Variants in CCSER1 observed in about 807,000 individuals in gnomAD.
CCSER1 encodes the protein serine-rich coiled-coil domain-containing protein 1.
In CCSER1, 41 loss-of-function variants were observed where a neutral mutation model predicts 82.0. That is an observed-to-expected ratio of 0.50 (90% CI 0.39 to 0.65). CCSER1 has a LOEUF of 0.65. Ranked by LOEUF, CCSER1 falls within the 30% of genes least tolerant of loss-of-function variation. CCSER1 has a pLI of 0.00. For missense variants in CCSER1, 1,119 were observed against 1,064.2 expected (o/e 1.05, Z -0.72); for synonymous variants, 414 against 383.9 (o/e 1.08, Z -0.92).
chr4:90,297,542 T>C (rs944834589), intron 1 of CCSER1, among the ~76,000 whole-genome samples: 2 of 147,484 alleles, frequency 1.4e-5, no homozygotes, highest in Admixed American at 6.7e-5. Context: ...TGAATAGGAG[T>C]CGTGAGAGAG....
At chr4:91,348,066 A>G (rs1353314714) in intron 10 of CCSER1, among the ~76,000 whole-genome samples, 2 of 152,126 alleles carry the variant, frequency 1.3e-5, no homozygotes, top group Non-Finnish European at 2.9e-5. Context: ...TATTAGCAGG[A>G]AAAGCATATA....
chr4:91,475,422 C>T (rs1757538515), intron 10 of CCSER1, among the ~76,000 whole-genome samples: 1 of 151,728 alleles, frequency 6.6e-6, no homozygotes, highest in African/African-American at 2.4e-5. Flanking sequence ...AACTAAGGTC[C>T]TATTCATTTT....
At chr4:90,666,522 A>C (rs1731812618) in intron 6 of CCSER1, among the ~76,000 whole-genome samples, 1 of 152,220 alleles carries the variant, frequency 6.6e-6, no homozygotes, top group South Asian at 2.1e-4. Context: ...CAATACCTAA[A>C]GGTTGGCAAT....
chr4:90,483,447 G>A lies in CCSER1; in HGVS notation c.1724+15093G>A, dbSNP rs1766433189. The stretch of plus-strand genomic sequence containing the variant: ...TACCTGATTGTTTTGCTTGTTAGTT[G>A]ATGCAGTTTCTTCCTAGCCTTGATG... On this transcript the variant is annotated intron_variant, in intron 5 of 10. Coordinates refer to ENST00000509176, the MANE Select transcript of CCSER1 (RefSeq NM_001145065.2). Among the ~76,000 whole-genome samples, 8 of 152,184 alleles carry A rather than the reference G, an allele frequency of 5.3e-5. 1 individual carries two copies. Among genetic ancestry groups the A allele is most frequent in the African/African-American group, 1.9e-4 (8 of 41,438 alleles).
At chr4:90,309,701 C>A in intron 2 of CCSER1, 93 bp downstream of exon 2, 1 of 979,938 alleles carries the variant, frequency 1.0e-6, no homozygotes, top group Non-Finnish European at 1.4e-6. Flanking sequence ...ATGGAAACCA[C>A]ATTTTTCTTG....
intron 10 of CCSER1, among the ~76,000 whole-genome samples, chr4:91,170,187 G>T (rs766283520): frequency 6.6e-6 from 1 of 152,042 alleles, no homozygotes; most frequent in Non-Finnish European, 1.5e-5. Flanking sequence ...CTGATGTAAG[G>T]TTATGTAAGA....
chr4:91,384,126 G>C (rs888440933), intron 10 of CCSER1, among the ~76,000 whole-genome samples: 1 of 151,962 alleles, frequency 6.6e-6, no homozygotes, highest in African/African-American at 2.4e-5. Context: ...CCTAAATATT[G>C]CTGGTTAATT....
At chr4:90,530,779 T>A (rs1774406148) in intron 5 of CCSER1, among the ~76,000 whole-genome samples, 1 of 152,152 alleles carries the variant, frequency 6.6e-6, no homozygotes, top group Non-Finnish European at 1.5e-5. Flanking sequence ...TGCCCTGGTT[T>A]TCAGGGTCTT....
At chr4:90,195,519 T>G (rs1334745367) in intron 1 of CCSER1, among the ~76,000 whole-genome samples, 2 of 152,054 alleles carry the variant, frequency 1.3e-5, no homozygotes, top group African/African-American at 2.4e-5. Flanking sequence ...TATGATACTA[T>G]AATGGTGGAT....
chr4:91,473,089 A>G (rs1757376539), intron 10 of CCSER1, among the ~76,000 whole-genome samples: 1 of 152,154 alleles, frequency 6.6e-6, no homozygotes, highest in African/African-American at 2.4e-5. Context: ...CCAGTATTAC[A>G]TGGTATTAGG....
intron 10 of CCSER1, among the ~76,000 whole-genome samples, chr4:91,213,598 T>C (rs555575851): frequency 6.6e-6 from 1 of 152,280 alleles, no homozygotes; most frequent in South Asian, 2.1e-4. Context: ...ACAAGGCTTT[T>C]GTGGGGAGGA....
At position 91,220,932 on chromosome 4, in the gene CCSER1, A is replaced by G. The variant is rs1737691255; in HGVS notation, c.2217+134938A>G. 2.6e-5 allele frequency among the ~76,000 whole-genome samples: 4 copies of G among 152,174 alleles called. No homozygotes were observed. In the South Asian group the frequency reaches 8.3e-4, roughly 31 times the overall value. ...AAAAAACAAAATGTGAAAAAGTCAT[A>G]TGTACGGAAAATGTAGGATAAATGG... On this transcript the variant is annotated intron_variant, in intron 10 of 10. Coordinates refer to ENST00000509176, the MANE Select transcript of CCSER1 (RefSeq NM_001145065.2).
At chr4:91,003,964 A>G (rs10440322) in intron 9 of CCSER1, among the ~76,000 whole-genome samples, 8,577 of 152,232 alleles carry the variant, frequency 0.056, 274 homozygotes, top group Middle Eastern at 0.092. Context: ...GGGAAGGTCA[A>G]AATCTTCTTC....
At chr4:90,216,332 A>G (rs796129447) in intron 1 of CCSER1, among the ~76,000 whole-genome samples, 9 of 152,306 alleles carry the variant, frequency 5.9e-5, no homozygotes, top group African/African-American at 2.2e-4. Flanking sequence ...TCTGTGTACT[A>G]AGGCATAATA....
chr4:91,411,512 A>ATACATATATATATATATACATG (rs1753041126), intron 10 of CCSER1, among the ~76,000 whole-genome samples: 2 of 70,516 alleles, frequency 2.8e-5, no homozygotes, highest in African/African-American at 9.0e-5. Context: ...ATATATATAT[A>ATACATATATATATATATACATG]TATATATATA....
At chr4:90,784,420 A>C (rs1160587320) in intron 7 of CCSER1, among the ~76,000 whole-genome samples, 1 of 152,224 alleles carries the variant, frequency 6.6e-6, no homozygotes, top group Non-Finnish European at 1.5e-5. Flanking sequence ...ACTGATTTTC[A>C]ATAACAATGT....
At chr4:90,994,057 G>T (rs1737274930) in intron 9 of CCSER1, among the ~76,000 whole-genome samples, 1 of 151,746 alleles carries the variant, frequency 6.6e-6, no homozygotes, top group Non-Finnish European at 1.5e-5. Flanking sequence ...TATTTAGCTG[G>T]GTGCACTGGC....
chr4:90,777,143 G>C (rs980528969), intron 7 of CCSER1, among the ~76,000 whole-genome samples: 15 of 151,754 alleles, frequency 9.9e-5, no homozygotes, highest in Non-Finnish European at 1.9e-4. Context: ...ATCACCTGAG[G>C]GTCAAGAGTT....
intron 5 of CCSER1, among the ~76,000 whole-genome samples, chr4:90,469,719 T>C (rs1027933863): frequency 6.6e-6 from 1 of 152,112 alleles, no homozygotes; most frequent in Non-Finnish European, 1.5e-5. Flanking sequence ...ATGGGTGACT[T>C]ATGGTTATAT....
Sources: gnomAD v4.1 joint callset for allele counts (sites outside exome capture counted in the v4.1 genomes callset) on GRCh38, gnomAD v4.1.1 for gene constraint, MANE v1.5 for transcripts, NCBI Gene and HGNC (gene_info 2026-07-23, HGNC 2026-07-21) for gene names.